RPAP2: variants seen among roughly 807,000 people sequenced by gnomAD.
RPAP2 encodes RNA polymerase II associated protein 2, also known as putative RNA polymerase II subunit B1 CTD phosphatase RPAP2.
A neutral mutation model predicts 73.1 loss-of-function variants in RPAP2; 52 were observed. The ratio of observed to expected loss-of-function variants is 0.71; its 90% confidence interval spans 0.57 to 0.90. RPAP2 has a LOEUF of 0.90. Among genes scored for constraint, RPAP2 ranks in the 40% least tolerant of loss-of-function variants. The pLI, the probability that RPAP2 is intolerant of heterozygous loss-of-function variation, is 0.00. For synonymous variants in RPAP2, 225 were observed against 242.1 expected (o/e 0.93, Z 0.65); for missense variants, 598 against 701.8 (o/e 0.85, Z 1.67).
intron 10 of RPAP2, among the ~76,000 whole-genome samples, chr1:92,338,648 ATTTT>A (rs11455274): frequency 7.0e-6 from 1 of 142,688 alleles, no homozygotes. Flanking sequence ...CTGATCATTG[ATTTT>A]TTTTTTTTTT....
At chr1:92,377,632 A>G (rs1655446287) in intron 11 of RPAP2, among the ~76,000 whole-genome samples, 1 of 152,010 alleles carries the variant, frequency 6.6e-6, no homozygotes. Flanking sequence ...AACAGTTGAA[A>G]TGGTTATTCA....
chr1:92,320,215 A>G (rs1319543156), intron 6 of RPAP2, among the ~76,000 whole-genome samples: 1 of 152,114 alleles, frequency 6.6e-6, no homozygotes, highest in Non-Finnish European at 1.5e-5. Flanking sequence ...AGTTTGGGTA[A>G]GAGAGAGACT....
intron 3 of RPAP2, among the ~76,000 whole-genome samples, chr1:92,303,103 T>A (rs1650977786): frequency 6.6e-6 from 1 of 152,164 alleles, no homozygotes; most frequent in Admixed American, 6.5e-5. Flanking sequence ...GAAATTTCTC[T>A]TTATATTTTT....
At chr1:92,382,542 G>A (rs1655688422) in intron 12 of RPAP2, among the ~76,000 whole-genome samples, 1 of 152,234 alleles carries the variant, frequency 6.6e-6, no homozygotes, top group African/African-American at 2.4e-5. Flanking sequence ...ATTTTTTCAT[G>A]TGTCTTTTGG....
At chr1:92,366,796 C>A (rs1488787893) in intron 11 of RPAP2, among the ~76,000 whole-genome samples, 1 of 151,890 alleles carries the variant, frequency 6.6e-6, no homozygotes, top group African/African-American at 2.4e-5. Flanking sequence ...TGCAAAATGT[C>A]TGGGGTTTGT....
intron 6 of RPAP2, among the ~76,000 whole-genome samples, chr1:92,313,416 A>AAT (rs1651713668): frequency 6.6e-6 from 1 of 150,386 alleles, no homozygotes; most frequent in Non-Finnish European, 1.5e-5. Flanking sequence ...GTACATTGTT[A>AAT]ATAATCAGTA....
At position 92,391,709 on chromosome 1, in the gene RPAP2, TG is replaced by T. The variant is rs1267493817; in HGVS notation, c.*4699del. ...AAAATGATAAAGGGGATATCACCAC[TG>T]ATCCCACAGAAATACAAACTACCAT... On this transcript the variant is annotated 3_prime_UTR_variant, in exon 13 of 13. Coordinates refer to ENST00000610020, the MANE Select transcript of RPAP2 (RefSeq NM_024813.3). 1 of 152,132 alleles carries T rather than the reference TG, an allele frequency of 6.6e-6. No homozygotes were observed. The highest frequency in any genetic ancestry group is 2.4e-5 in the African/African-American group (1 of 41,434). 9.4% of individuals were successfully genotyped at this position (152,132 alleles called of 1,614,324 possible).
At chr1:92,328,448 C>T (rs1355762769) in intron 8 of RPAP2, among the ~76,000 whole-genome samples, 1 of 152,168 alleles carries the variant, frequency 6.6e-6, no homozygotes, top group African/African-American at 2.4e-5. Flanking sequence ...CTGAGACTTT[C>T]CAGTGCATTT....
rs36067595 is a variant in RPAP2, at chr1:92,302,590, A to ATTTTTTTTTTTTT, written c.234+1017_234+1029dup. 2.8e-4 allele frequency among the ~76,000 whole-genome samples: 21 copies of ATTTTTTTTTTTTT among 74,338 alleles called. 3 individuals are homozygous for ATTTTTTTTTTTTT. Among genetic ancestry groups the ATTTTTTTTTTTTT allele is most frequent in the Non-Finnish European group, 4.4e-4 (19 of 43,254 alleles). The allele number at this position is 74,338 out of a possible 152,430, so 48.8% of individuals were successfully genotyped here. On this transcript the variant is annotated intron_variant, in intron 3 of 12. Coordinates refer to ENST00000610020, the MANE Select transcript of RPAP2 (RefSeq NM_024813.3). Reference sequence around the variant, plus strand: ...ACGGGAGAATTAAATTCCGCATTAAATTTTTTTTTTTTTTTTTTTTTTTTT... The same window carrying ATTTTTTTTTTTTT: ...ACGGGAGAATTAAATTCCGCATTAAATTTTTTTTTTTTTTTTTTTTTTTTTTTTTTTTTTTTTT...
chr1:92,344,820 T>G (rs1653794507), intron 10 of RPAP2, among the ~76,000 whole-genome samples: 1 of 152,194 alleles, frequency 6.6e-6, no homozygotes, highest in African/African-American at 2.4e-5. Context: ...TCTCAAATTA[T>G]TAGTGAGATT....
chr1:92,377,489 GC>G (rs1401615773), intron 11 of RPAP2, among the ~76,000 whole-genome samples: 1 of 131,456 alleles, frequency 7.6e-6, no homozygotes, highest in Non-Finnish European at 1.5e-5. Context: ...CTGCACTCCA[GC>G]CTAATGACAG....
intron 6 of RPAP2, among the ~76,000 whole-genome samples, chr1:92,307,752 T>C (rs1651339018): frequency 1.3e-5 from 2 of 151,856 alleles, no homozygotes; most frequent in African/African-American, 4.8e-5. Context: ...AAAGAGTTTA[T>C]GGGCAATGCT....
At position 92,390,928 on chromosome 1, in the gene RPAP2, A is replaced by G. The variant is rs1424673624; in HGVS notation, c.*3917A>G. ...ACAAAGAGATTTAGACTCCCACACA[A>G]TATTAATGGGTGACTTTAACACCCC... is the stretch of plus-strand genomic sequence containing the variant. On this transcript the variant is annotated 3_prime_UTR_variant, in exon 13 of 13. Transcript: ENST00000610020. 1 of 152,214 alleles carries G rather than the reference A, an allele frequency of 6.6e-6. No individual in the cohort carries two copies. Among genetic ancestry groups the G allele is most frequent in the African/African-American group, 2.4e-5 (1 of 41,454 alleles). 9.4% of individuals were successfully genotyped at this position (152,214 alleles called of 1,614,324 possible).
At chr1:92,373,333 T>C (rs1311593834) in intron 11 of RPAP2, among the ~76,000 whole-genome samples, 2 of 152,048 alleles carry the variant, frequency 1.3e-5, no homozygotes, top group Admixed American at 6.6e-5. Context: ...TCAGCACAAA[T>C]TGAGATATGG....
chr1:92,359,880 TGAA>T (rs1654649119), intron 11 of RPAP2, among the ~76,000 whole-genome samples: 1 of 152,148 alleles, frequency 6.6e-6, no homozygotes, highest in Non-Finnish European at 1.5e-5. Flanking sequence ...CAAGGATGCC[TGAA>T]GAATACAGAG....
chr1:92,303,167 C>T (rs1650982110), intron 3 of RPAP2, among the ~76,000 whole-genome samples: 1 of 152,166 alleles, frequency 6.6e-6, no homozygotes, highest in South Asian at 2.1e-4. Flanking sequence ...AAAAACACTT[C>T]TTAGTGTAGT....
rs186511069 is a variant in RPAP2, at chr1:92,388,829, C to T, written c.*1818C>T. On this transcript the variant is annotated 3_prime_UTR_variant, in exon 13 of 13. Coordinates refer to ENST00000610020, the MANE Select transcript of RPAP2 (RefSeq NM_024813.3). ...AGCTTGGCGGGGTAGAGGTGTCCGC[C>T]ATTGCTGAGGCTTGAGTAGGCGGTT... 1 of 152,446 alleles carries T rather than the reference C, an allele frequency of 6.6e-6. No homozygotes were observed. Among genetic ancestry groups the T allele is most frequent in the East Asian group, 1.9e-4 (1 of 5,190 alleles). The allele number at this position is 152,446 out of a possible 1,614,324, so 9.4% of individuals were successfully genotyped here. A position where few individuals can be genotyped will look rare whatever the true frequency, so the allele number is the denominator to read the frequency against.
At position 92,362,604 on chromosome 1, in the gene RPAP2, G is replaced by A. The variant is rs375246427; in HGVS notation, c.1688+16690G>A. ...AGGCTTAACATTGAAAATTCCGAGT[G>A]CAGCAAAAGCACTTCAGAAACTGCT... On this transcript the variant is annotated intron_variant, in intron 11 of 12. Coordinates refer to ENST00000610020, the MANE Select transcript of RPAP2 (RefSeq NM_024813.3). Among the ~76,000 whole-genome samples, 37 of 152,266 alleles carry A rather than the reference G, an allele frequency of 2.4e-4. No homozygotes were observed. The South Asian group carries it at 7.5e-3, about 31-fold the overall frequency.
At position 92,345,834 on chromosome 1, in the gene RPAP2, T is replaced by C. The variant is rs1557615215; in HGVS notation, c.1620-12T>C. ...GGTAACACTCCTTGGATAAATTTTA[T>C]CTATCTTTCAGGTTAACAAATAGAA... On this transcript the variant is annotated splice_polypyrimidine_tract_variant and intron_variant, in intron 10 of 12. Coordinates refer to ENST00000610020, the MANE Select transcript of RPAP2 (RefSeq NM_024813.3). The C allele has an allele frequency of 5.3e-6, 8 of 1,496,650 alleles. No homozygotes were observed. Among genetic ancestry groups the C allele is most frequent in the Non-Finnish European group, 7.4e-6 (8 of 1,078,256 alleles). 92.7% of individuals were successfully genotyped at this position (1,496,650 alleles called of 1,614,324 possible).
Sources: allele counts gnomAD v4.1 joint callset (sites outside exome capture counted in the v4.1 genomes callset), GRCh38; gene constraint gnomAD v4.1.1; transcripts MANE v1.5; gene names NCBI Gene and HGNC (gene_info 2026-07-23, HGNC 2026-07-21).